The following AGMO variants were observed in gnomAD, a reference collection of about 807,000 sequenced individuals.
The protein encoded by AGMO is alkylglycerol monooxygenase.
Under a neutral mutation model 60.2 loss-of-function variants are expected in AGMO, and 75 were observed. The ratio of observed to expected loss-of-function variants is 1.25; its 90% CI spans 1.03 to 1.51. The LOEUF (loss-of-function observed/expected upper bound fraction) is 1.51. Ranked by LOEUF, AGMO falls within the 40% of genes most tolerant of loss-of-function variation. The pLI is 0.00. For missense variants in AGMO, 763 were observed against 525.5 expected, an observed-to-expected ratio of 1.45 and a Z score of -4.42; for synonymous variants, 261 against 177.1, an observed-to-expected ratio of 1.47 and a Z score of -3.76.
At chr7:15,493,469 G>A (rs962561945) in intron 3 of AGMO, among the ~76,000 whole-genome samples, 1 of 145,672 alleles carries the variant, frequency 6.9e-6, no homozygotes. Flanking sequence ...CGCCTCCCGG[G>A]TTCACGCCAT....
At chr7:15,326,596 T>A (rs1256570688) in intron 12 of AGMO, among the ~76,000 whole-genome samples, 1 of 152,220 alleles carries the variant, frequency 6.6e-6, no homozygotes, top group Non-Finnish European at 1.5e-5. Flanking sequence ...TAATGAAATA[T>A]TCATTCTTGG....
chr7:15,504,213 A>G (rs1650929655), intron 3 of AGMO, among the ~76,000 whole-genome samples: 5 of 152,076 alleles, frequency 3.3e-5, no homozygotes, highest in Admixed American at 3.3e-4. Flanking sequence ...CTTTTAATGC[A>G]TAAATTCTAA....
intron 3 of AGMO, among the ~76,000 whole-genome samples, chr7:15,517,433 G>A (rs924067763): frequency 1.3e-5 from 2 of 151,314 alleles, no homozygotes; most frequent in Admixed American, 6.6e-5. Flanking sequence ...AATGCAGAAG[G>A]TGGGTGATTT....
At chr7:15,233,652 G>A (rs1003294257) in intron 12 of AGMO, among the ~76,000 whole-genome samples, 10 of 152,048 alleles carry the variant, frequency 6.6e-5, no homozygotes, top group East Asian at 1.9e-4. Flanking sequence ...GTCAGGAAAC[G>A]GATTTAGGAG....
intron 3 of AGMO, among the ~76,000 whole-genome samples, chr7:15,518,189 A>C (rs892150277): frequency 2.0e-5 from 3 of 151,748 alleles, no homozygotes; most frequent in African/African-American, 7.3e-5. Flanking sequence ...CATAGATAAA[A>C]CTCCCATTTC....
intron 3 of AGMO, among the ~76,000 whole-genome samples, chr7:15,440,936 G>A (rs538297557): frequency 6.6e-6 from 1 of 152,118 alleles, no homozygotes; most frequent in Admixed American, 6.5e-5. Flanking sequence ...CCAGTCATTT[G>A]TGTGCTGCTA....
intron 10 of AGMO, among the ~76,000 whole-genome samples, chr7:15,379,308 A>G (rs564810671): frequency 4.6e-5 from 7 of 152,136 alleles, no homozygotes; most frequent in African/African-American, 1.7e-4. Context: ...AAACCATTGG[A>G]AAGATCAACA....
chr7:15,294,014 T>C (rs1015950469), intron 12 of AGMO, among the ~76,000 whole-genome samples: 5 of 152,102 alleles, frequency 3.3e-5, no homozygotes, highest in African/African-American at 1.2e-4. Context: ...GTGACTAAAA[T>C]TTATTAATAA....
chr7:15,456,022 G>T (rs1256366629), intron 3 of AGMO, among the ~76,000 whole-genome samples: 1 of 151,830 alleles, frequency 6.6e-6, no homozygotes, highest in Non-Finnish European at 1.5e-5. Flanking sequence ...GTTTTTTGGA[G>T]AAAAACATGT....
chr7:15,425,070 G>A (rs1269920425), intron 4 of AGMO, among the ~76,000 whole-genome samples: 1 of 152,140 alleles, frequency 6.6e-6, no homozygotes, highest in Non-Finnish European at 1.5e-5. Flanking sequence ...TACTTGATAT[G>A]TTTCAGAGAA....
At chr7:15,227,608 A>G (rs1782126753) in intron 12 of AGMO, among the ~76,000 whole-genome samples, 1 of 152,010 alleles carries the variant, frequency 6.6e-6, no homozygotes, top group African/African-American at 2.4e-5. Context: ...GGCCAACTGG[A>G]GTCTGCACAA....
intron 3 of AGMO, among the ~76,000 whole-genome samples, chr7:15,520,684 G>C (rs1019752066): frequency 6.6e-6 from 1 of 152,046 alleles, no homozygotes; most frequent in African/African-American, 2.4e-5. Context: ...GAATTCTCTG[G>C]GACACAGCTA....
intron 12 of AGMO, among the ~76,000 whole-genome samples, chr7:15,249,058 A>T (rs983587284): frequency 6.6e-6 from 1 of 152,212 alleles, no homozygotes; most frequent in Non-Finnish European, 1.5e-5. Context: ...AATACTATGT[A>T]GGGTTGGCCA....
intron 11 of AGMO, 133 bp from the exon 12 acceptor site, chr7:15,365,752 G>A: frequency 1.5e-6 from 1 of 652,980 alleles, no homozygotes; most frequent in East Asian, 2.9e-5. Flanking sequence ...CATGTCCCCT[G>A]AAGCAATTTG....
At chr7:15,550,119 G>T (rs1416172538) in intron 2 of AGMO, among the ~76,000 whole-genome samples, 1 of 151,840 alleles carries the variant, frequency 6.6e-6, no homozygotes, top group Non-Finnish European at 1.5e-5. Flanking sequence ...TGAAACCAAC[G>T]AGAACAAAGA....
chr7:15,140,349 G>T, the AGMO span, among the ~76,000 whole-genome samples: 1 of 151,838 alleles, frequency 6.6e-6, no homozygotes, highest in Non-Finnish European at 1.5e-5. Context: ...TTTCCCTCTG[G>T]CATCTTTTAA....
the AGMO span, among the ~76,000 whole-genome samples, chr7:15,184,362 GGAAGGGAAGGAA>G: frequency 2.7e-4 from 1 of 3,766 alleles, no homozygotes; most frequent in Non-Finnish European, 4.5e-4. Context: ...AGGGAGGGAA[GGAAGGGAAGGAA>G]GGAAGGAAGG....
chr7:15,184,737 G>A, the AGMO span, among the ~76,000 whole-genome samples: 9 of 128,936 alleles, frequency 7.0e-5, no homozygotes, highest in Middle Eastern at 9.6e-3. Context: ...GAGGGAGGGA[G>A]GGAAGGAAGG....
intron 3 of AGMO, among the ~76,000 whole-genome samples, chr7:15,488,531 A>T (rs1001380962): frequency 2.0e-5 from 3 of 152,170 alleles, no homozygotes; most frequent in African/African-American, 7.2e-5. Context: ...GGAGCATATA[A>T]CATAAACCTC....
Sources: gnomAD v4.1 joint callset for allele counts (sites outside exome capture counted in the v4.1 genomes callset) on GRCh38, gnomAD v4.1.1 for gene constraint, MANE v1.5 for transcripts, NCBI Gene and HGNC (gene_info 2026-07-23, HGNC 2026-07-21) for gene names.